Variants in CYFIP1 observed in about 807,000 individuals in gnomAD.
CYFIP1 encodes the protein cytoplasmic FMR1 interacting protein 1, also known as cytoplasmic FMR1-interacting protein 1.
A neutral mutation model predicts 163.5 loss-of-function variants in CYFIP1; 58 were observed. The ratio of observed to expected loss-of-function variants is 0.35; its 90% CI spans 0.29 to 0.44. The LOEUF is 0.44. Ranked by LOEUF, CYFIP1 falls within the 20% of genes least tolerant of loss-of-function variation. The probability of loss-of-function intolerance (pLI) is 1.00; values close to 1 mark genes in which losing one functional copy is unlikely to be tolerated. For missense variants in CYFIP1, 1,338 were observed against 1,653.8 expected (o/e 0.81, Z 3.31); for synonymous variants, 663 against 660.7 (o/e 1.00, Z -0.05).
intron 21 of CYFIP1, chr15:22,904,848 G>A (rs2060516621): frequency 6.6e-6 from 1 of 152,174 alleles, no homozygotes; most frequent in Non-Finnish European, 1.5e-5. Context: ...GCAGGGCCCT[G>A]CTCTGAAGTG....
chr15:22,887,145 C>T (rs1046712289), intron 23 of CYFIP1, among the ~76,000 whole-genome samples: 7 of 152,170 alleles, frequency 4.6e-5, no homozygotes, highest in Non-Finnish European at 1.0e-4. Flanking sequence ...CTGCTTTGTA[C>T]CCCTTTGCTG....
chr15:22,870,137 A>G lies in CYFIP1; in HGVS notation c.3653T>C (p.Ile1218Thr). 6.2e-7 allele frequency: 1 copy of G among 1,612,802 alleles called. No homozygotes were observed. The highest frequency in any genetic ancestry group is 8.5e-7 in the Non-Finnish European group (1 of 1,179,520). ...IRKFQILNDEIITILDKYLKS... is the reference protein window; with the variant it reads ...IRKFQILNDETITILDKYLKS... ...CAGGTACTTATCCAGGATGGTGATGATCTCATCATTGAGAATCTGGAACTT... is the reference window on the plus strand; with the variant it reads ...CAGGTACTTATCCAGGATGGTGATGGTCTCATCATTGAGAATCTGGAACTT... The change falls in exon 31 of 31, where the codon ATC (isoleucine) becomes ACC (threonine). Residue 1218 changes from isoleucine (I) to threonine (T), a missense_variant. Ile to Thr is a moderately conservative substitution (Grantham distance 89). Around this residue, in one of 4 missense-constraint regions of CYFIP1, gnomAD observed 306 missense variants for 322.1 expected, o/e 0.95. Transcript: ENST00000617928.
chr15:22,958,375 T>C (rs1200826820), intron 1 of CYFIP1, among the ~76,000 whole-genome samples: 3 of 152,142 alleles, frequency 2.0e-5, no homozygotes, highest in Admixed American at 6.5e-5. Flanking sequence ...TGTGAGGTAA[T>C]CTGCTTTCTT....
At chr15:22,874,507 A>G (rs891245439) in intron 28 of CYFIP1, 43 bp downstream of exon 28, 1 of 1,478,982 alleles carries the variant, frequency 6.8e-7, no homozygotes, top group African/African-American at 1.4e-5. Context: ...CCTGGCATGG[A>G]TGCCCAGCTT....
intron 30 of CYFIP1, chr15:22,872,573 T>C (rs1274648494): frequency 1.6e-5 from 7 of 445,588 alleles, no homozygotes; most frequent in Non-Finnish European, 2.8e-5. Context: ...ATTCTGACAA[T>C]GCAGATCCTG....
rs942592374 is a variant in CYFIP1 at position 22,942,601 on chromosome 15, C to G, written c.569+572G>C. ...TCTTCCGCTCGTCTTGCCAGCCTCT[C>G]CAGAGGCTAGCTTCTCCAGAAGCTC... On this transcript the variant is annotated intron_variant, in intron 6 of 30. Coordinates refer to ENST00000617928, the MANE Select transcript of CYFIP1 (RefSeq NM_014608.6). Among the ~76,000 whole-genome samples the G allele has an allele frequency of 2.0e-5, 3 of 152,170 alleles. No individual in the cohort carries two copies. The South Asian group carries it at 6.2e-4, about 31-fold the overall frequency.
chr15:22,971,748 T>C (rs1316519675), intron 1 of CYFIP1, among the ~76,000 whole-genome samples: 2 of 151,946 alleles, frequency 1.3e-5, no homozygotes, highest in Non-Finnish European at 2.9e-5. Flanking sequence ...CTCACACCTG[T>C]AGTCCCAGAC....
At chr15:22,952,834 C>T (rs2062304728) in intron 1 of CYFIP1, among the ~76,000 whole-genome samples, 1 of 152,154 alleles carries the variant, frequency 6.6e-6, no homozygotes, top group South Asian at 2.1e-4. Context: ...TACTGTCATA[C>T]AAACTGCTTT....
chr15:22,883,618 C>T (rs974533399), intron 23 of CYFIP1, among the ~76,000 whole-genome samples: 8 of 152,138 alleles, frequency 5.3e-5, no homozygotes, highest in South Asian at 2.1e-4. Context: ...GAGATGGAGA[C>T]CATCCTGGCT....
Position 22,869,752 on chromosome 15 carries a change from T to C in CYFIP1, c.*276A>G, listed in dbSNP as rs977727559. The C allele has an allele frequency of 1.3e-4, 37 of 286,024 alleles. No individual in the cohort carries two copies. Among genetic ancestry groups the C allele is most frequent in the African/African-American group, 7.9e-4 (36 of 45,672 alleles). The allele number at this position is 286,024 out of a possible 1,614,324, so 17.7% of individuals were successfully genotyped here. The stretch of plus-strand genomic sequence containing the variant: ...AATGAATGAACCCAGCAGCATTTTA[T>C]GACACAGCTGCCAGAACATCCCATA... On this transcript the variant is annotated 3_prime_UTR_variant, in exon 31 of 31. Coordinates refer to ENST00000617928, the MANE Select transcript of CYFIP1 (RefSeq NM_014608.6).
At chr15:22,934,944 G>A (rs1215674173) in intron 9 of CYFIP1, among the ~76,000 whole-genome samples, 1 of 152,076 alleles carries the variant, frequency 6.6e-6, no homozygotes, top group Non-Finnish European at 1.5e-5. Flanking sequence ...GAAAATTCTA[G>A]AAAAAGTTCT....
At position 22,914,851 on chromosome 15, in the gene CYFIP1, C is replaced by T. The variant is rs2060914383; in HGVS notation, c.1860G>A (p.Gln620=). The T allele has an allele frequency of 6.2e-7, 1 of 1,613,512 alleles. No homozygotes were observed. Among genetic ancestry groups the T allele is most frequent in the African/African-American group, 1.3e-5 (1 of 74,848 alleles). The stretch of plus-strand genomic sequence containing the variant: ...CCAGGAAGAACTCTCGGAACCACAG[C>T]TGCGAAAGGTCACAGCACTGCTGCA... ...ETLQQCCDLS[Q]LWFREFFLEL... Residue 620 remains glutamine, a synonymous_variant, in exon 17 of 31, where the codon CAG becomes CAA. Transcript: ENST00000617928.
rs2061011582 is a variant in CYFIP1 at position 22,917,072 on chromosome 15, T to TA, written c.1675-443dup. The TA allele has an allele frequency of 6.7e-7, 1 of 1,491,846 alleles. No homozygotes were observed. The allele number at this position is 1,491,846 out of a possible 1,614,324, so 92.4% of individuals were successfully genotyped here. A position where few individuals can be genotyped will look rare whatever the true frequency, so the allele number is the denominator to read the frequency against. On this transcript the variant is annotated intron_variant, in intron 15 of 30. Transcript: ENST00000617928. The surrounding 1 kb of genome is among the most constrained non-coding windows in gnomAD (Gnocchi z 4.2). ...GGAGGGAGAGGCAGGAGAGAGACGTTAGTCACTCGACACACACACCCCAGG... is the reference window on the plus strand; with the variant it reads ...GGAGGGAGAGGCAGGAGAGAGACGTTAAGTCACTCGACACACACACCCCAGG...
chr15:22,923,521 G>C (rs2061256552), intron 13 of CYFIP1, among the ~76,000 whole-genome samples: 1 of 152,142 alleles, frequency 6.6e-6, no homozygotes, highest in Non-Finnish European at 1.5e-5. Context: ...CTGGTAAGAA[G>C]GAGAAATGGT....
intron 1 of CYFIP1, among the ~76,000 whole-genome samples, chr15:22,980,005 G>A (rs979867809): frequency 6.6e-6 from 1 of 152,112 alleles, no homozygotes; most frequent in Non-Finnish European, 1.5e-5. Flanking sequence ...GGGAGCTCGG[G>A]GCCGAGGCCG....
At chr15:22,872,364 G>A (rs1345109459) in intron 30 of CYFIP1, among the ~76,000 whole-genome samples, 2 of 151,596 alleles carry the variant, frequency 1.3e-5, no homozygotes, top group East Asian at 3.9e-4. Flanking sequence ...AGAATGAGAA[G>A]GTCTAACATA....
chr15:22,951,433 G>A (rs1376222906), intron 1 of CYFIP1: 5 of 1,289,398 alleles, frequency 3.9e-6, no homozygotes, highest in African/African-American at 3.0e-5. Flanking sequence ...GCCAGCATGG[G>A]GGGCCTGCCC....
At position 22,926,311 on chromosome 15, in the gene CYFIP1, T is replaced by C. The variant is rs116987660; in HGVS notation, c.1234-204A>G. Among the ~76,000 whole-genome samples the C allele has an allele frequency of 9.3e-3, 1,422 of 152,252 alleles. 17 individuals are homozygous for C. Among genetic ancestry groups the C allele is most frequent in the Non-Finnish European group, 0.012 (799 of 68,008 alleles). On this transcript the variant is annotated intron_variant, in intron 12 of 30. Coordinates refer to ENST00000617928, the MANE Select transcript of CYFIP1 (RefSeq NM_014608.6). ...CCTGTAACCTCTCGTTTAAAAAATC[T>C]ACCCGGCAAAATGGCCTGGATAGTG...
At chr15:22,901,132 G>C (rs1445879890) in intron 22 of CYFIP1, among the ~76,000 whole-genome samples, 1 of 151,804 alleles carries the variant, frequency 6.6e-6, no homozygotes, top group Non-Finnish European at 1.5e-5. Context: ...GAACTCGGAA[G>C]GCAGAGGCTG....
Sources: gnomAD v4.1 joint callset for allele counts (sites outside exome capture counted in the v4.1 genomes callset) on GRCh38, gnomAD v4.1.1 for gene constraint, gnomAD v4.1.1 regional missense constraint, Gnocchi (gnomAD v3.1) non-coding constraint, MANE v1.5 for transcripts, NCBI Gene and HGNC (gene_info 2026-07-23, HGNC 2026-07-21) for gene names.